The following SYT1 variants were observed in gnomAD, a reference collection of about 807,000 sequenced individuals.
The protein encoded by SYT1 is synaptotagmin-1.
A neutral mutation model predicts 44.8 loss-of-function variants in SYT1; 8 were observed. The ratio of observed to expected loss-of-function variants is 0.18; its 90% CI spans 0.10 to 0.32. The LOEUF is 0.32. Ranked by LOEUF, SYT1 falls within the 10% of genes least tolerant of loss-of-function variation. The probability of loss-of-function intolerance (pLI) is 1.00; values close to 1 mark genes in which losing one functional copy is unlikely to be tolerated. For missense variants in SYT1, 286 were observed against 509.3 expected (o/e 0.56, Z 4.22); for synonymous variants, 154 against 188.8 (o/e 0.82, Z 1.51).
intron 2 of SYT1, among the ~76,000 whole-genome samples, chr12:79,032,225 A>T (rs906385238): frequency 6.6e-6 from 1 of 151,170 alleles, no homozygotes; most frequent in Non-Finnish European, 1.5e-5. Flanking sequence ...ATATGTATAT[A>T]CCAGGCAATG....
intron 8 of SYT1, among the ~76,000 whole-genome samples, chr12:79,324,476 C>A (rs1404743988): frequency 6.6e-6 from 1 of 152,168 alleles, no homozygotes; most frequent in Admixed American, 6.5e-5. Context: ...CAAGAACACA[C>A]ACACTGAGTG....
rs140523627 is a variant in SYT1, at chr12:79,164,850, C to A, written c.-17-52653C>A. Reference sequence around the variant, plus strand: ...AAATGGTGATGTAGACAGAACCCGGCGGATACCTAAATTTCTGTTGAGGGA... The same window carrying A: ...AAATGGTGATGTAGACAGAACCCGGAGGATACCTAAATTTCTGTTGAGGGA... On this transcript the variant is annotated intron_variant, in intron 3 of 10. Coordinates refer to ENST00000261205, the MANE Select transcript of SYT1 (RefSeq NM_005639.3). Among the ~76,000 whole-genome samples the A allele has an allele frequency of 2.3e-3, 356 of 151,994 alleles. 3 individuals carry two copies. Among genetic ancestry groups the A allele is most frequent in the African/African-American group, 7.9e-3 (327 of 41,522 alleles).
intron 9 of SYT1, among the ~76,000 whole-genome samples, chr12:79,405,588 T>C (rs1885215480): frequency 6.6e-6 from 1 of 152,142 alleles, no homozygotes; most frequent in East Asian, 1.9e-4. Flanking sequence ...GCTTCACAGT[T>C]GGGATATACC....
At chr12:79,351,126 C>T (rs150937305) in intron 8 of SYT1, among the ~76,000 whole-genome samples, 1 of 152,246 alleles carries the variant, frequency 6.6e-6, no homozygotes, top group Admixed American at 6.5e-5. Context: ...TTTTCTTTCT[C>T]CCAAAATGCC....
intron 8 of SYT1, among the ~76,000 whole-genome samples, chr12:79,335,282 A>T (rs1172851972): frequency 6.6e-6 from 1 of 151,954 alleles, no homozygotes; most frequent in Non-Finnish European, 1.5e-5. Context: ...GGTTTTATCC[A>T]CAGAAAGCCT....
chr12:78,941,558 G>A (rs1565728779), intron 1 of SYT1, among the ~76,000 whole-genome samples: 1 of 152,118 alleles, frequency 6.6e-6, no homozygotes. Flanking sequence ...TTAATCAATA[G>A]TAACATTAGG....
chr12:79,284,868 C>T (rs549567496), intron 4 of SYT1, among the ~76,000 whole-genome samples: 17 of 150,926 alleles, frequency 1.1e-4, no homozygotes, highest in Non-Finnish European at 1.9e-4. Context: ...TGATAGCTAA[C>T]ATTAATTGAG....
At chr12:79,001,290 G>T (rs1327453672) in intron 2 of SYT1, among the ~76,000 whole-genome samples, 1 of 149,550 alleles carries the variant, frequency 6.7e-6, no homozygotes, top group Admixed American at 6.7e-5. Flanking sequence ...TCCTTCTAAT[G>T]AAGCCACTGT....
intron 1 of SYT1, among the ~76,000 whole-genome samples, chr12:78,896,624 C>T (rs7979553): frequency 0.02 from 3,045 of 151,842 alleles, 109 homozygotes; most frequent in African/African-American, 0.069. Flanking sequence ...AACCTCTCTC[C>T]TCATGTAAAC....
At chr12:79,192,546 A>T (rs535158771) in intron 3 of SYT1, among the ~76,000 whole-genome samples, 1 of 152,160 alleles carries the variant, frequency 6.6e-6, no homozygotes. Flanking sequence ...GAAGTTTACT[A>T]TCGTTAATAT....
intron 3 of SYT1, among the ~76,000 whole-genome samples, chr12:79,173,433 G>A (rs1871671788): frequency 6.6e-6 from 1 of 152,126 alleles, no homozygotes; most frequent in Non-Finnish European, 1.5e-5. Flanking sequence ...CAAGATGGAT[G>A]AAGGAAAGGA....
chr12:79,391,887 A>G (rs1291698233), intron 9 of SYT1, among the ~76,000 whole-genome samples: 1 of 152,258 alleles, frequency 6.6e-6, no homozygotes, highest in Non-Finnish European at 1.5e-5. Context: ...GGATGTCACA[A>G]CTAAAAATGA....
intron 4 of SYT1, among the ~76,000 whole-genome samples, chr12:79,233,376 T>C (rs1220900762): frequency 6.6e-6 from 1 of 152,262 alleles, no homozygotes; most frequent in Admixed American, 6.5e-5. Flanking sequence ...CTGGATACAC[T>C]GTTACAGTGG....
rs1048045224 is a variant in SYT1 at position 79,301,302 on chromosome 12, G to C, written c.810+1751G>C. Among the ~76,000 whole-genome samples, 3 of 152,076 alleles carry C rather than the reference G, an allele frequency of 2.0e-5. No individual in the cohort carries two copies. In the East Asian group the frequency reaches 5.8e-4, roughly 29 times the overall value. The stretch of plus-strand genomic sequence containing the variant: ...ATTATCAGGTGGTAATGACATCCAA[G>C]ATCACACCCAGTGGGTTTCTGAAAA... On this transcript the variant is annotated intron_variant, in intron 8 of 10. Coordinates refer to ENST00000261205, the MANE Select transcript of SYT1 (RefSeq NM_005639.3).
chr12:79,245,111 G>A (rs1030097883), intron 4 of SYT1, among the ~76,000 whole-genome samples: 4 of 151,972 alleles, frequency 2.6e-5, no homozygotes, highest in African/African-American at 9.7e-5. Context: ...ATGACACTTT[G>A]GTCTTTGCTT....
intron 2 of SYT1, among the ~76,000 whole-genome samples, chr12:79,013,418 AG>A (rs1247466905): frequency 1.3e-5 from 2 of 152,180 alleles, no homozygotes; most frequent in East Asian, 3.9e-4. Flanking sequence ...AATGGGCACC[AG>A]GAACTCCAAG....
At chr12:79,216,085 C>G (rs1416883134) in intron 3 of SYT1, among the ~76,000 whole-genome samples, 2 of 151,730 alleles carry the variant, frequency 1.3e-5, no homozygotes, top group Non-Finnish European at 2.9e-5. Context: ...GTGCCTGCCA[C>G]CACACCTGAC....
At chr12:78,879,472 T>C (rs1249782125) in intron 1 of SYT1, among the ~76,000 whole-genome samples, 1 of 151,714 alleles carries the variant, frequency 6.6e-6, no homozygotes, top group East Asian at 1.9e-4. Context: ...ACTCACCACA[T>C]TCAAACTGAA....
intron 1 of SYT1, among the ~76,000 whole-genome samples, chr12:78,915,239 CT>C (rs918382271): frequency 5.9e-5 from 9 of 152,050 alleles, no homozygotes; most frequent in Admixed American, 2.6e-4. Flanking sequence ...ACTGAACCCC[CT>C]GCTACAGAAG....
Sources: gnomAD v4.1 joint callset for allele counts (sites outside exome capture counted in the v4.1 genomes callset) on GRCh38, gnomAD v4.1.1 for gene constraint, MANE v1.5 for transcripts, NCBI Gene and HGNC (gene_info 2026-07-23, HGNC 2026-07-21) for gene names.